Variants in ACAD11 observed in about 807,000 individuals in gnomAD.
ACAD11 encodes the protein acyl-Coenzyme A dehydrogenase family, member 11.
Under a neutral mutation model 102.2 loss-of-function variants are expected in ACAD11, and 83 were observed. That is an observed-to-expected ratio of 0.81 (90% CI 0.68 to 0.97). ACAD11 has a LOEUF of 0.97. ACAD11 is among the 50% of genes least tolerant of loss of function. The pLI is 0.00. For missense variants in ACAD11, 901 were observed against 951.7 expected, an observed-to-expected ratio of 0.95 and a Z score of 0.70; for synonymous variants, 324 against 319.8, an observed-to-expected ratio of 1.01 and a Z score of -0.14.
chr3:132,600,371 A>G (rs1466625901), intron 13 of ACAD11: 2 of 1,541,720 alleles, frequency 1.3e-6, no homozygotes, highest in African/African-American at 2.8e-5. Context: ...TCTATCCTGT[A>G]TTCTCTTTGC....
At chr3:132,584,145 C>G (rs892026445) in intron 13 of ACAD11, among the ~76,000 whole-genome samples, 1 of 152,010 alleles carries the variant, frequency 6.6e-6, no homozygotes, top group Non-Finnish European at 1.5e-5. Flanking sequence ...ATCTGTCTAA[C>G]GTTGACAGTG....
intron 1 of ACAD11, among the ~76,000 whole-genome samples, chr3:132,650,746 C>T (rs1559979034): frequency 6.6e-6 from 1 of 152,142 alleles, no homozygotes; most frequent in Non-Finnish European, 1.5e-5. Flanking sequence ...ATACCTACAA[C>T]TTCCCATTTC....
chr3:132,603,461 T>C (rs909158499), intron 12 of ACAD11, 134 bp from the exon 13 acceptor site: 4 of 697,564 alleles, frequency 5.7e-6, no homozygotes, highest in African/African-American at 3.6e-5. Flanking sequence ...CCACCCTGCT[T>C]TTCCCATAAC....
At chr3:132,636,133 G>A (rs996950951) in intron 5 of ACAD11, among the ~76,000 whole-genome samples, 1 of 152,258 alleles carries the variant, frequency 6.6e-6, no homozygotes, top group East Asian at 1.9e-4. Context: ...GAGAAAAGCT[G>A]ATGGCTCATC....
chr3:132,578,820 G>C lies in ACAD11; in HGVS notation c.1750C>G (p.Pro584Ala), dbSNP rs1307693177. 6.2e-7 allele frequency: 1 copy of C among 1,612,744 alleles called. No individual in the cohort carries two copies. The highest frequency in any genetic ancestry group is 8.5e-7 in the Non-Finnish European group (1 of 1,179,442). ...MNTPGVKIIRPLSVFGYTDNF... is the reference protein window; with the variant it reads ...MNTPGVKIIRALSVFGYTDNF... ...CCTGTGTAGCCAAAAACTGACAAAG[G>C]CCTTATTATTTTTACTCCAGGTGTG... Residue 584 changes from proline to alanine, a missense_variant, in exon 15 of 20, where the codon CCT (proline) becomes GCT (alanine). Transcript: ENST00000264990.
chr3:132,581,238 T>G (rs931679312), intron 13 of ACAD11, among the ~76,000 whole-genome samples: 1 of 152,006 alleles, frequency 6.6e-6, no homozygotes, highest in Admixed American at 6.6e-5. Flanking sequence ...TAGTTCAACT[T>G]AGAATTTTAT....
chr3:132,559,959 T>A lies in ACAD11; in HGVS notation c.2119-17A>T. ...CATTGCAATCTATATAAGCAAAATA[T>A]GAAAAGAATGCTTCTTTCTTAGACT... On this transcript the variant is annotated splice_polypyrimidine_tract_variant and intron_variant, in intron 18 of 19. Coordinates refer to ENST00000264990, the MANE Select transcript of ACAD11 (RefSeq NM_032169.5). The A allele has an allele frequency of 6.3e-7, 1 of 1,586,388 alleles. No individual in the cohort carries two copies. The highest frequency in any genetic ancestry group is 8.6e-7 in the Non-Finnish European group (1 of 1,157,896).
chr3:132,638,397 A>G (rs1002738671), intron 5 of ACAD11, among the ~76,000 whole-genome samples: 1 of 152,222 alleles, frequency 6.6e-6, no homozygotes, highest in Non-Finnish European at 1.5e-5. Flanking sequence ...TAAAATAAAA[A>G]TAGAGGCACA....
At chr3:132,648,589 G>T (rs1052010319) in intron 1 of ACAD11, 1 of 151,552 alleles carries the variant, frequency 6.6e-6, no homozygotes, top group Admixed American at 6.6e-5. Flanking sequence ...GGAATCAGTT[G>T]TGTTTGTGGA....
At chr3:132,652,992 C>CA (rs1487745300) in intron 1 of ACAD11, among the ~76,000 whole-genome samples, 1 of 151,594 alleles carries the variant, frequency 6.6e-6, no homozygotes, top group African/African-American at 2.4e-5. Context: ...GGCAGTTTAC[C>CA]AAAAAAAGAG....
chr3:132,659,761 C>T lies in ACAD11; in HGVS notation c.-10G>A, dbSNP rs922557548. 4.4e-6 allele frequency: 7 copies of T among 1,585,018 alleles called. No homozygotes were observed. Among genetic ancestry groups the T allele is most frequent in the Non-Finnish European group, 6.0e-6 (7 of 1,164,872 alleles). ...TAGCACCTGGCTTCATGATCACCCC[C>T]GCAGGCCACAGCAACGCGGCATCCA... On this transcript the variant is annotated 5_prime_UTR_variant, in exon 1 of 20. Coordinates refer to ENST00000264990, the MANE Select transcript of ACAD11 (RefSeq NM_032169.5).
chr3:132,583,011 G>GT (rs1156971473), intron 13 of ACAD11, among the ~76,000 whole-genome samples: 2 of 151,960 alleles, frequency 1.3e-5, no homozygotes, highest in Admixed American at 6.6e-5. Context: ...CTAAAATTCT[G>GT]TTTTTTTGTT....
At chr3:132,630,837 G>T (rs188710159) in intron 6 of ACAD11, among the ~76,000 whole-genome samples, 1 of 152,118 alleles carries the variant, frequency 6.6e-6, no homozygotes, top group Non-Finnish European at 1.5e-5. Context: ...AGCACTTTGC[G>T]GGGGCCGAGG....
At chr3:132,566,154 A>G (rs1937202697) in intron 17 of ACAD11, among the ~76,000 whole-genome samples, 1 of 152,054 alleles carries the variant, frequency 6.6e-6, no homozygotes, top group Non-Finnish European at 1.5e-5. Flanking sequence ...GTATTTTATA[A>G]GTAAAAAATA....
chr3:132,624,369 G>A (rs1166698344), intron 9 of ACAD11, among the ~76,000 whole-genome samples: 1 of 151,578 alleles, frequency 6.6e-6, no homozygotes, highest in Non-Finnish European at 1.5e-5. Flanking sequence ...CACTTTGGGA[G>A]GCTGAGGTGC....
intron 17 of ACAD11, among the ~76,000 whole-genome samples, chr3:132,571,387 T>C (rs1331316172): frequency 1.3e-5 from 2 of 151,146 alleles, no homozygotes; most frequent in African/African-American, 4.9e-5. Context: ...TCCTTATAGA[T>C]GTTGGATGTT....
chr3:132,605,083 G>A lies in ACAD11; in HGVS notation c.1522+15C>T, dbSNP rs1290813383. The stretch of plus-strand genomic sequence containing the variant: ...CGACTGACTACACAAGGAGAGAATG[G>A]TGATTGGCATTTACCTGTCATACAG... On this transcript the variant is annotated intron_variant, in intron 12 of 19. Coordinates refer to ENST00000264990, the MANE Select transcript of ACAD11 (RefSeq NM_032169.5). 1.3e-6 allele frequency: 2 copies of A among 1,579,002 alleles called. No individual in the cohort carries two copies. Among genetic ancestry groups the A allele is most frequent in the South Asian group, 2.2e-5 (2 of 89,978 alleles).
chr3:132,629,805 A>G (rs1316059766), intron 7 of ACAD11, among the ~76,000 whole-genome samples: 1 of 152,148 alleles, frequency 6.6e-6, no homozygotes, highest in African/African-American at 2.4e-5. Flanking sequence ...AAGCATCTCA[A>G]TTTCTTAAAT....
intron 1 of ACAD11, among the ~76,000 whole-genome samples, chr3:132,654,880 G>A (rs1273351422): frequency 6.6e-6 from 1 of 152,208 alleles, no homozygotes; most frequent in Admixed American, 6.5e-5. Flanking sequence ...GCTGGTTGGA[G>A]TTAGCATAAA....
Sources: gnomAD v4.1 joint callset for allele counts (sites outside exome capture counted in the v4.1 genomes callset) on GRCh38, gnomAD v4.1.1 for gene constraint, MANE v1.5 for transcripts, NCBI Gene and HGNC (gene_info 2026-07-23, HGNC 2026-07-21) for gene names.